Variants in TUBA4B observed in about 807,000 individuals in gnomAD.
The protein encoded by TUBA4B is tubulin-like protein alpha-4B.
Under a neutral mutation model 18.4 loss-of-function variants are expected in TUBA4B, and 13 were observed. That is an observed-to-expected ratio of 0.71 (90% CI 0.46 to 1.12). The LOEUF (loss-of-function observed/expected upper bound fraction) is 1.12. Ranked by LOEUF, TUBA4B falls within the 50% of genes most tolerant of loss-of-function variation. The probability of loss-of-function intolerance (pLI) is 0.00; values close to 1 mark genes in which losing one functional copy is unlikely to be tolerated. For missense variants in TUBA4B, 244 were observed against 250.0 expected, an observed-to-expected ratio of 0.98 and a Z score of 0.16; for synonymous variants, 101 against 99.1, an observed-to-expected ratio of 1.02 and a Z score of -0.11.
intron 1 of TUBA4B, among the ~76,000 whole-genome samples, chr2:219,265,753 G>T: frequency 6.6e-6 from 1 of 152,202 alleles, no homozygotes; most frequent in East Asian, 1.9e-4. Context: ...ATAAGGCCAG[G>T]CTAGAGCAGC....
chr2:219,257,262 C>T (rs1208761063), intron 1 of TUBA4B, among the ~76,000 whole-genome samples: 13 of 149,816 alleles, frequency 8.7e-5, no homozygotes, highest in East Asian at 4.0e-4. Flanking sequence ...AGGATGGTCT[C>T]GATCTCCTGA....
rs996710249 is a variant in TUBA4B, at chr2:219,267,633, C to T, written c.58+1067C>T. 4.6e-5 allele frequency among the ~76,000 whole-genome samples: 7 copies of T among 150,738 alleles called. No homozygotes were observed. In the East Asian group the frequency reaches 7.8e-4, roughly 17 times the overall value. ...ATTCTGGAGTGCAGTGGCGCAATCTCGGCTCACTGCAACCTCTGCCTCCCG... is the reference window on the plus strand; with the variant it reads ...ATTCTGGAGTGCAGTGGCGCAATCTTGGCTCACTGCAACCTCTGCCTCCCG... On this transcript the variant is annotated intron_variant, in intron 2 of 3. Transcript: ENST00000490341.
intron 1 of TUBA4B, among the ~76,000 whole-genome samples, chr2:219,264,998 G>C (rs914444851): frequency 1.3e-5 from 2 of 152,156 alleles, no homozygotes; most frequent in South Asian, 2.1e-4. Context: ...ATTTAACCAG[G>C]GTTCTGGTTT....
chr2:219,254,733 G>C (rs948201635), intron 1 of TUBA4B: 2 of 152,298 alleles, frequency 1.3e-5, no homozygotes, highest in Non-Finnish European at 2.9e-5. Context: ...GTGTGACCTT[G>C]AGCAAGTGAC....
In TUBA4B at chr2:219,253,338, G is replaced by C. The variant is rs572110487; in HGVS notation, c.-70G>C. The stretch of plus-strand genomic sequence containing the variant: ...TCCCACCAACCCTCTCAGCTCAGAC[G>C]CGGGGTGCTGAGTCACGGGGGGGGG... On this transcript the variant is annotated 5_prime_UTR_variant, in exon 1 of 4. Transcript: ENST00000490341. 3.3e-5 allele frequency: 50 copies of C among 1,531,882 alleles called. No homozygotes were observed. In the South Asian group the frequency reaches 5.5e-4, roughly 17 times the overall value. 94.9% of individuals were successfully genotyped at this position (1,531,882 alleles called of 1,614,324 possible). A position where few individuals can be genotyped will look rare whatever the true frequency, so the allele number is the denominator to read the frequency against.
chr2:219,266,638 GAA>G (rs1951791948), intron 2 of TUBA4B, 72 bp downstream of exon 2: 1 of 697,284 alleles, frequency 1.4e-6, no homozygotes, highest in South Asian at 1.5e-5. Flanking sequence ...TATCTGGCGT[GAA>G]GGTACCTTGG....
At chr2:219,258,964 G>A (rs1278570200) in intron 1 of TUBA4B, among the ~76,000 whole-genome samples, 3 of 151,888 alleles carry the variant, frequency 2.0e-5, no homozygotes, top group Non-Finnish European at 4.4e-5. Context: ...CTGACAAAAT[G>A]GAGAAGACAT....
intron 1 of TUBA4B, among the ~76,000 whole-genome samples, chr2:219,259,660 T>G (rs1439404267): frequency 6.6e-6 from 1 of 152,202 alleles, no homozygotes; most frequent in Non-Finnish European, 1.5e-5. Flanking sequence ...CCTTTCCCAT[T>G]ATCATCTCCA....
At chr2:219,257,469 C>T (rs1371637311) in intron 1 of TUBA4B, among the ~76,000 whole-genome samples, 1 of 149,998 alleles carries the variant, frequency 6.7e-6, no homozygotes, top group East Asian at 2.0e-4. Context: ...AGTGAAACCC[C>T]GTCTCTACCA....
At chr2:219,257,819 A>G (rs965740584) in intron 1 of TUBA4B, among the ~76,000 whole-genome samples, 2 of 147,270 alleles carry the variant, frequency 1.4e-5, no homozygotes, top group African/African-American at 2.6e-5. Flanking sequence ...CTGTCTCAAA[A>G]AAAAAATATA....
chr2:219,270,040 C>G (rs540076601), intron 2 of TUBA4B, among the ~76,000 whole-genome samples, 162 bp from the exon 3 acceptor site: 1 of 152,240 alleles, frequency 6.6e-6, no homozygotes, highest in Admixed American at 6.5e-5. Flanking sequence ...AAAACACATC[C>G]AAGCAGCACA....
At chr2:219,253,950 CGGGGGG>C in intron 1 of TUBA4B, 1 of 508,838 alleles carries the variant, frequency 2.0e-6, no homozygotes, top group Non-Finnish European at 2.9e-6. Flanking sequence ...CCCTTATAGG[CGGGGGG>C]GGGGCGGGGC....
At position 219,271,717 on chromosome 2, in the gene TUBA4B, G is replaced by A. The variant is rs546605709; in HGVS notation, c.*18G>A. 303 of 1,612,488 alleles carry A rather than the reference G, an allele frequency of 1.9e-4. 1 individual carries two copies. The highest frequency in any genetic ancestry group is 2.5e-4 in the Non-Finnish European group (295 of 1,178,604). On this transcript the variant is annotated 3_prime_UTR_variant, in exon 4 of 4. Coordinates refer to ENST00000490341, the MANE Select transcript of TUBA4B (RefSeq NM_001355221.1). Reference sequence around the variant, plus strand: ...GATGGTGAAGTGTGATCCCCGGCACGGCAAGTACATGGCCTGCTGCCTGCT... The same window carrying A: ...GATGGTGAAGTGTGATCCCCGGCACAGCAAGTACATGGCCTGCTGCCTGCT...
chr2:219,271,905 C>A lies in TUBA4B; in HGVS notation c.*206C>A. On this transcript the variant is annotated 3_prime_UTR_variant, in exon 4 of 4. Coordinates refer to ENST00000490341, the MANE Select transcript of TUBA4B (RefSeq NM_001355221.1). ...CTGGGAGTGACCTGGTAAAGTGCAA[C>A]GTGCCATGTGCATGCTGAGCAACAT... is the stretch of plus-strand genomic sequence containing the variant. 7.0e-7 allele frequency: 1 copy of A among 1,434,594 alleles called. No homozygotes were observed. The highest frequency in any genetic ancestry group is 9.8e-7 in the Non-Finnish European group (1 of 1,016,724). The allele number at this position is 1,434,594 out of a possible 1,614,324, so 88.9% of individuals were successfully genotyped here.
Position 219,270,256 on chromosome 2 carries a change from C to T in TUBA4B, c.113C>T (p.Ala38Val). ...PEQLITGKED[A>V]ANNYAWGHYT... is the part of the protein sequence containing the mutation. ...CAGCTCATCACAGGCAAGGAAGATG[C>T]TGCCAATAACTATGCCTGGGGCCAC... Residue 38 changes from alanine (A) to valine (V), a missense_variant, in exon 3 of 4, where the codon GCT (alanine) becomes GTT (valine). Physicochemically the swap from Ala to Val is moderately conservative, Grantham distance 64. Coordinates refer to ENST00000490341, the MANE Select transcript of TUBA4B (RefSeq NM_001355221.1). 1 of 769,826 alleles carries T rather than the reference C, an allele frequency of 1.3e-6. No homozygotes were observed. The highest frequency in any genetic ancestry group is 1.7e-5 in the Admixed American group (1 of 57,826). 47.7% of individuals were successfully genotyped at this position (769,826 alleles called of 1,614,324 possible). A position where few individuals can be genotyped will look rare whatever the true frequency, so the allele number is the denominator to read the frequency against.
chr2:219,271,025 T>G, intron 3 of TUBA4B, 141 bp from the exon 4 acceptor site: 2 of 602,960 alleles, frequency 3.3e-6, no homozygotes, highest in Non-Finnish European at 2.9e-6. Context: ...ACCCACTCTA[T>G]GAGGATCTCT....
chr2:219,260,716 G>A (rs990586040), intron 1 of TUBA4B, among the ~76,000 whole-genome samples: 26 of 152,348 alleles, frequency 1.7e-4, no homozygotes, highest in African/African-American at 6.0e-4. Flanking sequence ...GCTCACGCCT[G>A]TAATCCCAGC....
intron 2 of TUBA4B, among the ~76,000 whole-genome samples, chr2:219,267,463 T>C (rs1441300984): frequency 6.6e-6 from 1 of 152,238 alleles, no homozygotes; most frequent in Non-Finnish European, 1.5e-5. Context: ...TTCTTCTCTT[T>C]CTACAGTCAT....
chr2:219,264,816 A>T (rs2125076175), intron 1 of TUBA4B, among the ~76,000 whole-genome samples: 1 of 152,316 alleles, frequency 6.6e-6, no homozygotes, highest in Admixed American at 6.5e-5. Flanking sequence ...AGGCAACTGA[A>T]ACTGCAGAAA....
Sources: gnomAD v4.1 joint callset for allele counts (sites outside exome capture counted in the v4.1 genomes callset) on GRCh38, gnomAD v4.1.1 for gene constraint, MANE v1.5 for transcripts, NCBI Gene and HGNC (gene_info 2026-07-23, HGNC 2026-07-21) for gene names.